The following DOCK5 variants were observed in gnomAD, a reference collection of about 807,000 sequenced individuals.
DOCK5 encodes the protein dedicator of cytokinesis protein 5.
DOCK5 carries 142 observed loss-of-function variants against 251.8 expected under a neutral mutation model. The ratio of observed to expected loss-of-function variants is 0.56; its 90% CI spans 0.49 to 0.65. The LOEUF (loss-of-function observed/expected upper bound fraction) is 0.65, where lower values mean the gene tolerates loss of function less well. DOCK5 is among the 30% of genes least tolerant of loss of function. The pLI, the probability that DOCK5 is intolerant of heterozygous loss-of-function variation, is 0.00. For synonymous variants in DOCK5, 842 were observed against 835.5 expected, an observed-to-expected ratio of 1.01 and a Z score of -0.13; for missense variants, 2,111 against 2,312.3, an observed-to-expected ratio of 0.91 and a Z score of 1.79.
chr8:25,384,128 G>T (rs1361332297), intron 40 of DOCK5, among the ~76,000 whole-genome samples: 2 of 152,154 alleles, frequency 1.3e-5, no homozygotes, highest in Admixed American at 6.5e-5. Flanking sequence ...ACAACTGCGG[G>T]CATGATTCCC....
At chr8:25,235,537 C>T (rs934113172) in intron 1 of DOCK5, among the ~76,000 whole-genome samples, 1 of 151,944 alleles carries the variant, frequency 6.6e-6, no homozygotes, top group Non-Finnish European at 1.5e-5. Flanking sequence ...GGATTACAGG[C>T]GTGAGCCACT....
intron 10 of DOCK5, among the ~76,000 whole-genome samples, chr8:25,303,584 G>A (rs1179087388): frequency 2.0e-5 from 3 of 152,140 alleles, no homozygotes; most frequent in Admixed American, 6.5e-5. Context: ...GATTGAAAGC[G>A]ATCAAGGAAA....
chr8:25,399,136 G>C (rs2659576), intron 45 of DOCK5, among the ~76,000 whole-genome samples: 146,139 of 152,244 alleles, frequency 0.96, 70,373 homozygotes, highest in East Asian at 1. Flanking sequence ...CAATTTTGGA[G>C]TCTGTTGGAA....
chr8:25,238,959 A>G (rs1260756971), intron 1 of DOCK5, among the ~76,000 whole-genome samples: 1 of 152,202 alleles, frequency 6.6e-6, no homozygotes. Context: ...ATTACACAAG[A>G]TTGTCTATGA....
chr8:25,227,371 GT>G (rs544884111), intron 1 of DOCK5, among the ~76,000 whole-genome samples: 7 of 145,650 alleles, frequency 4.8e-5, no homozygotes, highest in African/African-American at 1.5e-4. Flanking sequence ...GTCTAATTTT[GT>G]TTTTTTTTCA....
chr8:25,351,960 A>T, intron 27 of DOCK5, 134 bp downstream of exon 27: 1 of 645,226 alleles, frequency 1.5e-6, no homozygotes, highest in Non-Finnish European at 2.7e-6. Flanking sequence ...ATTGGTTATA[A>T]CCTTAGCAGA....
intron 7 of DOCK5, among the ~76,000 whole-genome samples, chr8:25,297,132 T>A (rs1288879022): frequency 6.6e-6 from 1 of 152,162 alleles, no homozygotes; most frequent in Non-Finnish European, 1.5e-5. Context: ...TCTTGCTCTG[T>A]TGCCCAGGCT....
In DOCK5 at chr8:25,240,739, T is replaced by A. The variant is rs7818873; in HGVS notation, c.44-2935T>A. ...AAATTATTTCCATTTTGGGGGCTAT[T>A]GTGAATAATGCTACTGTAGTGGATT... On this transcript the variant is annotated intron_variant, in intron 1 of 51. Coordinates refer to ENST00000276440, the MANE Select transcript of DOCK5 (RefSeq NM_024940.8). Among the ~76,000 whole-genome samples the A allele has an allele frequency of 9.9e-3, 1,510 of 152,342 alleles. 32 individuals carry two copies. Among genetic ancestry groups the A allele is most frequent in the African/African-American group, 0.035 (1,446 of 41,566 alleles).
intron 1 of DOCK5, among the ~76,000 whole-genome samples, chr8:25,186,111 G>A (rs1190194680): frequency 6.6e-6 from 1 of 152,082 alleles, no homozygotes; most frequent in African/African-American, 2.4e-5. Context: ...GTGTCTAGGG[G>A]CTTTTCAACT....
chr8:25,328,244 A>G (rs1160826186), intron 18 of DOCK5, among the ~76,000 whole-genome samples: 17 of 152,088 alleles, frequency 1.1e-4, no homozygotes. Flanking sequence ...ACATACAAAA[A>G]AAGTCAGAAG....
intron 26 of DOCK5, among the ~76,000 whole-genome samples, chr8:25,345,856 C>CT (rs1233332120): frequency 2.5e-4 from 37 of 147,192 alleles, no homozygotes; most frequent in East Asian, 4.0e-4. Context: ...ATCCCTGTGA[C>CT]TTTTTTTTTT....
chr8:25,198,337 G>A (rs1801785559), intron 1 of DOCK5, among the ~76,000 whole-genome samples: 1 of 152,134 alleles, frequency 6.6e-6, no homozygotes, highest in Non-Finnish European at 1.5e-5. Context: ...GTGGGAAGCT[G>A]AGGCGGGTAG....
chr8:25,323,754 C>T (rs1048705861), intron 16 of DOCK5, 94 bp from the exon 17 acceptor site: 18 of 1,363,128 alleles, frequency 1.3e-5, no homozygotes, highest in South Asian at 5.0e-5. Context: ...TATGGTTGAA[C>T]GCTGCACCCC....
chr8:25,184,818 T>TGGGGCACGCAGGAGCGC lies in DOCK5; in HGVS notation c.-85_-69dup, dbSNP rs1205771295. 4.3e-5 allele frequency: 50 copies of TGGGGCACGCAGGAGCGC among 1,169,498 alleles called. No homozygotes were observed. Among genetic ancestry groups the TGGGGCACGCAGGAGCGC allele is most frequent in the Non-Finnish European group, 5.3e-5 (49 of 919,020 alleles). 72.4% of individuals were successfully genotyped at this position (1,169,498 alleles called of 1,614,324 possible). On this transcript the variant is annotated 5_prime_UTR_variant, in exon 1 of 52. The change abolishes the stop of an existing upstream ORF in the 5' untranslated region. Transcript: ENST00000276440. Reference sequence around the variant, plus strand: ...TTTGGCGGAACATGGCGGAAGCGTCTGGGGCACGCAGGAGCGCGGGGCGGC... The same window carrying TGGGGCACGCAGGAGCGC: ...TTTGGCGGAACATGGCGGAAGCGTCTGGGGCACGCAGGAGCGCGGGGCACGCAGGAGCGCGGGGCGGC...
Position 25,298,802 on chromosome 8 carries a change from G to A in DOCK5, c.607-142G>A, listed in dbSNP as rs926156785. The stretch of plus-strand genomic sequence containing the variant: ...CTGTTCTCAAATTCCTGGGCCTCTA[G>A]TAGCACTGGGATTACAGGAATGAGC... On this transcript the variant is annotated intron_variant, in intron 7 of 51. Coordinates refer to ENST00000276440, the MANE Select transcript of DOCK5 (RefSeq NM_024940.8). 4 of 945,056 alleles carry A rather than the reference G, an allele frequency of 4.2e-6. No individual in the cohort carries two copies. The South Asian group carries it at 7.8e-5, about 18-fold the overall frequency. 58.5% of individuals were successfully genotyped at this position (945,056 alleles called of 1,614,324 possible).
chr8:25,310,603 G>C (rs772190134), intron 13 of DOCK5, 71 bp downstream of exon 13: 1 of 1,487,374 alleles, frequency 6.7e-7, no homozygotes, highest in Non-Finnish European at 9.0e-7. Flanking sequence ...GACGGTGGAG[G>C]CAACTTGGAT....
intron 5 of DOCK5, among the ~76,000 whole-genome samples, chr8:25,282,524 C>A (rs2117135909): frequency 6.6e-6 from 1 of 152,158 alleles, no homozygotes. Context: ...TCTTGCATTT[C>A]CCCCTGTAGA....
chr8:25,301,734 C>T (rs953848993), intron 9 of DOCK5, among the ~76,000 whole-genome samples: 2 of 151,988 alleles, frequency 1.3e-5, no homozygotes, highest in East Asian at 1.9e-4. Flanking sequence ...AAGTGTAGAA[C>T]CCTAGCTGCA....
At position 25,351,729 on chromosome 8, in the gene DOCK5, A is replaced by C; in HGVS notation, c.2755-2A>C. The stretch of plus-strand genomic sequence containing the variant: ...TGGAGTCAAATCCTGTGTTCCCTGC[A>C]GGGTGCCACTGCGGTGCACATTCAG... On this transcript the variant is annotated splice_acceptor_variant, in intron 26 of 51. Coordinates refer to ENST00000276440, the MANE Select transcript of DOCK5 (RefSeq NM_024940.8). LOFTEE classifies it high-confidence loss of function. The C allele has an allele frequency of 6.2e-7, 1 of 1,612,800 alleles. No individual in the cohort carries two copies. Among genetic ancestry groups the C allele is most frequent in the Admixed American group, 1.7e-5 (1 of 59,916 alleles).
Sources: allele counts gnomAD v4.1 joint callset (sites outside exome capture counted in the v4.1 genomes callset), GRCh38; gene constraint gnomAD v4.1.1; transcripts MANE v1.5; gene names NCBI Gene and HGNC (gene_info 2026-07-23, HGNC 2026-07-21).